Variants in GMDS observed in about 807,000 individuals in gnomAD.
The protein encoded by GMDS is GDP-mannose 4,6-dehydratase, also known as GDP-mannose 4,6 dehydratase.
GMDS carries 20 observed loss-of-function variants against 49.9 expected under a neutral mutation model. The observed-to-expected ratio is 0.40, with a 90% CI of 0.28 to 0.58. The LOEUF (loss-of-function observed/expected upper bound fraction) is 0.58. GMDS is among the 20% of genes least tolerant of loss of function. The pLI is 0.42. For synonymous variants in GMDS, 177 were observed against 178.6 expected (o/e 0.99, Z 0.07); for missense variants, 362 against 481.4 (o/e 0.75, Z 2.32).
intron 4 of GMDS, among the ~76,000 whole-genome samples, chr6:2,031,208 C>A (rs1169936696): frequency 6.6e-6 from 1 of 152,206 alleles, no homozygotes; most frequent in Non-Finnish European, 1.5e-5. Flanking sequence ...AAGCAAAGAA[C>A]TAGAGAGCTC....
rs1554140526 is a variant in GMDS, at chr6:1,975,043, A to AAAAAAC, written c.346-14078_346-14077insGTTTTT. On this transcript the variant is annotated intron_variant, in intron 4 of 10. Transcript: ENST00000380815. ...ACAGAGTGAGACTCTGTCTCAAAAA[A>AAAAAAC]AAAACAAAACAAAACAGGGTAACCA... Among the ~76,000 whole-genome samples, 8 of 151,444 alleles carry AAAAAAC rather than the reference A, an allele frequency of 5.3e-5. No homozygotes were observed. In the East Asian group the frequency reaches 1.2e-3, roughly 22 times the overall value.
At chr6:2,080,533 C>T (rs534683510) in intron 4 of GMDS, among the ~76,000 whole-genome samples, 1 of 152,138 alleles carries the variant, frequency 6.6e-6, no homozygotes, top group Non-Finnish European at 1.5e-5. Context: ...AGCTATGATT[C>T]TAGATGTATG....
At chr6:1,658,094 G>A (rs538801398) in intron 9 of GMDS, among the ~76,000 whole-genome samples, 37 of 152,292 alleles carry the variant, frequency 2.4e-4, no homozygotes, top group Middle Eastern at 3.4e-3. Context: ...TCTAGAAAAC[G>A]TGCCTCTGAA....
chr6:2,155,977 T>A (rs1777093322), intron 1 of GMDS, among the ~76,000 whole-genome samples: 2 of 152,052 alleles, frequency 1.3e-5, no homozygotes. Flanking sequence ...AAAAGAAAAT[T>A]TAAATCGCTC....
At chr6:1,821,821 A>G (rs1770914414) in intron 7 of GMDS, among the ~76,000 whole-genome samples, 1 of 152,140 alleles carries the variant, frequency 6.6e-6, no homozygotes, top group African/African-American at 2.4e-5. Context: ...TTCAACTTTC[A>G]TGACAGTGGC....
chr6:2,240,298 C>A (rs1009452203), intron 1 of GMDS, among the ~76,000 whole-genome samples: 49 of 152,140 alleles, frequency 3.2e-4, no homozygotes, highest in African/African-American at 1.1e-3. Context: ...GTCAAGAAAT[C>A]TTTTATTATT....
intron 8 of GMDS, among the ~76,000 whole-genome samples, chr6:1,741,147 G>A (rs72840401): frequency 0.078 from 11,930 of 152,174 alleles, 655 homozygotes; most frequent in Non-Finnish European, 0.11. Context: ...GGTAGTTAGT[G>A]TATCTCTATC....
chr6:2,225,728 C>T (rs1056300028), intron 1 of GMDS, among the ~76,000 whole-genome samples: 2 of 152,168 alleles, frequency 1.3e-5, no homozygotes, highest in African/African-American at 4.8e-5. Flanking sequence ...AAAATCCTAA[C>T]GTACAGTAGA....
At chr6:2,000,037 T>C (rs1213454350) in intron 4 of GMDS, among the ~76,000 whole-genome samples, 5 of 23,466 alleles carry the variant, frequency 2.1e-4, no homozygotes, top group African/African-American at 6.8e-4. Flanking sequence ...ATCTATATCT[T>C]TTTTTTTTTT....
intron 7 of GMDS, among the ~76,000 whole-genome samples, chr6:1,751,597 G>A (rs776264955): frequency 6.6e-6 from 1 of 152,292 alleles, no homozygotes; most frequent in Non-Finnish European, 1.5e-5. Context: ...AAGTTCAAGC[G>A]ATTCTCTTGC....
At chr6:1,656,808 T>C (rs978982876) in intron 9 of GMDS, among the ~76,000 whole-genome samples, 1 of 151,872 alleles carries the variant, frequency 6.6e-6, no homozygotes, top group Non-Finnish European at 1.5e-5. Flanking sequence ...GCTTGGCTCC[T>C]GGCTGTACAC....
intron 9 of GMDS, among the ~76,000 whole-genome samples, chr6:1,719,483 G>A (rs1316337740): frequency 1.3e-5 from 2 of 152,188 alleles, no homozygotes; most frequent in Non-Finnish European, 2.9e-5. Flanking sequence ...ACTTTATCGA[G>A]AGCATGAGGC....
intron 1 of GMDS, among the ~76,000 whole-genome samples, chr6:2,187,278 G>T (rs963708263): frequency 1.1e-4 from 16 of 152,118 alleles, no homozygotes; most frequent in Non-Finnish European, 7.4e-5. Flanking sequence ...CACTGGTCTG[G>T]GATGAAGTCA....
At chr6:1,625,053 C>T (rs1762811101) in intron 9 of GMDS, 1 of 151,866 alleles carries the variant, frequency 6.6e-6, no homozygotes, top group Admixed American at 6.5e-5. Flanking sequence ...GGAAGGGACT[C>T]GGGCTGTGGG....
intron 1 of GMDS, among the ~76,000 whole-genome samples, chr6:2,230,578 A>C (rs1781042147): frequency 6.6e-6 from 1 of 152,232 alleles, no homozygotes; most frequent in East Asian, 1.9e-4. Context: ...GTAACGCTTA[A>C]ATAGGTTAAA....
At chr6:2,220,449 G>A (rs1259762346) in intron 1 of GMDS, among the ~76,000 whole-genome samples, 1 of 152,152 alleles carries the variant, frequency 6.6e-6, no homozygotes, top group East Asian at 1.9e-4. Flanking sequence ...TTACTGTTAA[G>A]TGCTTTAATG....
chr6:2,094,932 G>A (rs1001764663), intron 4 of GMDS, among the ~76,000 whole-genome samples: 1 of 152,118 alleles, frequency 6.6e-6, no homozygotes, highest in African/African-American at 2.4e-5. Context: ...GCACAGTATG[G>A]GAAGCACAAC....
chr6:1,624,282 G>C, intron 10 of GMDS, 51 bp from the exon 11 acceptor site: 2 of 1,541,488 alleles, frequency 1.3e-6, no homozygotes, highest in Non-Finnish European at 1.8e-6. Flanking sequence ...CTCTCTCCTG[G>C]TGACACCCCA....
At chr6:2,218,611 C>G (rs988317981) in intron 1 of GMDS, among the ~76,000 whole-genome samples, 1 of 152,196 alleles carries the variant, frequency 6.6e-6, no homozygotes, top group Non-Finnish European at 1.5e-5. Context: ...AAATTCACCT[C>G]AGAGAGTACA....
Sources: gnomAD v4.1 joint callset for allele counts (sites outside exome capture counted in the v4.1 genomes callset) on GRCh38, gnomAD v4.1.1 for gene constraint, MANE v1.5 for transcripts, NCBI Gene and HGNC (gene_info 2026-07-23, HGNC 2026-07-21) for gene names.